ANKRD26: variants seen among roughly 807,000 people sequenced by gnomAD.
ANKRD26 encodes the protein ankyrin repeat domain 26, also known as ankyrin repeat domain-containing protein 26.
ANKRD26 carries 141 observed loss-of-function variants against 208.7 expected under a neutral mutation model. The observed-to-expected ratio is 0.68, with a 90% CI of 0.59 to 0.78. ANKRD26 has a LOEUF of 0.78. Among genes scored for constraint, ANKRD26 ranks in the 30% least tolerant of loss-of-function variants. The pLI is 0.00. For synonymous variants in ANKRD26, 636 were observed against 660.4 expected, an observed-to-expected ratio of 0.96 and a Z score of 0.57; for missense variants, 1,889 against 1,938.7, an observed-to-expected ratio of 0.97 and a Z score of 0.48.
chr10:27,035,340 G>A lies in ANKRD26; in HGVS notation c.3110C>T (p.Ala1037Val). Residue 1037 changes from alanine to valine, a missense_variant, in exon 24 of 34, where the codon GCA (alanine) becomes GTA (valine). Ala to Val is a moderately conservative substitution (Grantham distance 64, BLOSUM62 0). Transcript: ENST00000376087. ...CTGTAAACGAGAACATTCATCTCTTGCTCTCTGGAAAGCAAGTTCTAGTTC... is the reference window on the plus strand; with the variant it reads ...CTGTAAACGAGAACATTCATCTCTTACTCTCTGGAAAGCAAGTTCTAGTTC... Reference protein sequence around the residue: ...KRELELAFQRARDECSRLQDK... With the variant: ...KRELELAFQRVRDECSRLQDK... The A allele has an allele frequency of 6.2e-7, 1 of 1,613,868 alleles. No homozygotes were observed. The highest frequency in any genetic ancestry group is 8.5e-7 in the Non-Finnish European group (1 of 1,179,922).
chr10:27,079,197 A>C lies in ANKRD26; in HGVS notation c.741-36T>G, dbSNP rs3737055. 0.6 allele frequency: 935,374 copies of C among 1,554,822 alleles called. 291,295 individuals are homozygous for C. The highest frequency in any genetic ancestry group is 0.65 in the Non-Finnish European group (728,465 of 1,126,538). ...AAAATATAGAAAAATGAGTGAATTCATTTCTTTAAAAACAAAACAAAAACC... is the reference window on the plus strand; with the variant it reads ...AAAATATAGAAAAATGAGTGAATTCCTTTCTTTAAAAACAAAACAAAAACC... On this transcript the variant is annotated intron_variant, in intron 6 of 33. Coordinates refer to ENST00000376087, the MANE Select transcript of ANKRD26 (RefSeq NM_014915.3).
intron 4 of ANKRD26, among the ~76,000 whole-genome samples, chr10:26,997,581 TGA>T (rs1358345657): frequency 6.6e-6 from 1 of 152,148 alleles, no homozygotes; most frequent in East Asian, 1.9e-4. Flanking sequence ...TTTCTGAGAC[TGA>T]GAGGTTTGAG....
At chr10:27,063,347 G>A (rs893660430) in intron 12 of ANKRD26, among the ~76,000 whole-genome samples, 9 of 151,258 alleles carry the variant, frequency 6.0e-5, no homozygotes, top group Non-Finnish European at 1.2e-4. Context: ...TTGAGATGAA[G>A]TCTTGCTCTG....
rs2055739310 is a variant in ANKRD26, at chr10:27,077,436, ATGT to A, written c.976_978del (p.Thr326del). On this transcript the variant is annotated inframe_deletion, in exon 9 of 34. Transcript: ENST00000376087. Reference sequence around the variant, plus strand: ...TGAGAAAAGCACTGGACTTTGATTGATGTTGTAGGAAGGCTTTCAACCACAACT... The same window carrying A: ...TGAGAAAAGCACTGGACTTTGATTGATGTAGGAAGGCTTTCAACCACAACT... 3 of 1,613,904 alleles carry A rather than the reference ATGT, an allele frequency of 1.9e-6. No individual in the cohort carries two copies. In the South Asian group the frequency reaches 3.3e-5, roughly 18 times the overall value.
At chr10:27,029,414 T>A in intron 25 of ANKRD26, 58 bp from the exon 26 acceptor site, 1 of 1,515,614 alleles carries the variant, frequency 6.6e-7, no homozygotes, top group Non-Finnish European at 9.1e-7. Context: ...CATCTGTCCA[T>A]TACCTGTTTT....
the ANKRD26 span, among the ~76,000 whole-genome samples, chr10:26,967,163 C>T: frequency 6.6e-6 from 1 of 152,122 alleles, no homozygotes; most frequent in Non-Finnish European, 1.5e-5. Context: ...ATAACATTTG[C>T]CATCTCTAAA....
intron 9 of ANKRD26, among the ~76,000 whole-genome samples, chr10:27,075,907 AGACC>A (rs2055682754): frequency 6.6e-6 from 1 of 152,252 alleles, no homozygotes; most frequent in Non-Finnish European, 1.5e-5. Flanking sequence ...GTATCTTCTC[AGACC>A]ACAGCAGAAT....
At chr10:26,972,635 G>A (rs988273196), downstream of ANKRD26, among the ~76,000 whole-genome samples, 35 of 143,210 alleles carry the variant, frequency 2.4e-4, no homozygotes, top group African/African-American at 9.0e-4. Flanking sequence ...CTGTCGCCCA[G>A]GCTGGAGTGC....
At chr10:26,948,838 C>CA in the ANKRD26 span, among the ~76,000 whole-genome samples, 1 of 151,944 alleles carries the variant, frequency 6.6e-6, no homozygotes, top group Non-Finnish European at 1.5e-5. Flanking sequence ...AAAGACCCCC[C>CA]AAAAAAATTA....
In ANKRD26 at chr10:27,066,391, T is replaced by C. The variant is rs535884521; in HGVS notation, c.1269+96A>G. The C allele has an allele frequency of 1.2e-3, 1,052 of 861,568 alleles. 1 individual carries two copies. Among genetic ancestry groups the C allele is most frequent in the Middle Eastern group, 3.6e-3 (11 of 3,058 alleles). 53.4% of individuals were successfully genotyped at this position (861,568 alleles called of 1,614,324 possible). On this transcript the variant is annotated intron_variant, in intron 11 of 33. Transcript: ENST00000376087. ...AAGAAAGTAGTTCCTTATGGATGTA[T>C]GCAGAGGTAAAAAAGTCAAGTCAAA...
intron 4 of ANKRD26, among the ~76,000 whole-genome samples, chr10:26,981,046 T>C (rs1017125399): frequency 1.3e-5 from 2 of 152,182 alleles, no homozygotes; most frequent in Admixed American, 6.5e-5. Flanking sequence ...TTTTTGTGCA[T>C]GCATTTTCCA....
At chr10:27,096,170 G>A (rs1347124688) in intron 1 of ANKRD26, among the ~76,000 whole-genome samples, 3 of 152,160 alleles carry the variant, frequency 2.0e-5, no homozygotes, top group African/African-American at 7.2e-5. Context: ...CAGAAGTGCA[G>A]GAGATTCACA....
Position 27,048,885 on chromosome 10 carries a change from T to A in ANKRD26, c.1730A>T (p.Asp577Val). The A allele has an allele frequency of 6.2e-7, 1 of 1,613,200 alleles. No individual in the cohort carries two copies. ...GATDDAEDDD[D>V]DDGLIQKRKS... ...TCTTTTTTGAATTAATCCATCATCA[T>A]CATCATCATCTTCAGCATCATCAGT... The change falls in exon 17 of 34, where the codon GAT becomes GTT. Residue 577 changes from aspartate (D) to valine (V), a missense_variant. This residue lies in a region of ANKRD26 where 1,272 missense variants were observed against 1,273.8 expected (regional missense o/e 1.00). Transcript: ENST00000376087.
chr10:27,012,372 T>C (rs2053143286), intron 32 of ANKRD26, among the ~76,000 whole-genome samples: 1 of 151,436 alleles, frequency 6.6e-6, no homozygotes, highest in African/African-American at 2.4e-5. Flanking sequence ...TGGTACCTCT[T>C]GAAAATGAGA....
At chr10:27,058,359 G>A (rs939259027) in intron 15 of ANKRD26, among the ~76,000 whole-genome samples, 2 of 152,178 alleles carry the variant, frequency 1.3e-5, no homozygotes, top group Admixed American at 6.5e-5. Context: ...GAAGTGTACA[G>A]TAGACTTTTT....
intron 3 of ANKRD26, among the ~76,000 whole-genome samples, chr10:26,985,342 T>C (rs2052368557): frequency 2.6e-5 from 4 of 152,274 alleles, no homozygotes; most frequent in Non-Finnish European, 4.4e-5. Context: ...TTCCAATGGG[T>C]CAGATTATTA....
chr10:27,013,930 T>A (rs2053203387), intron 31 of ANKRD26, among the ~76,000 whole-genome samples: 2 of 152,210 alleles, frequency 1.3e-5, no homozygotes, highest in African/African-American at 4.8e-5. Flanking sequence ...TTATAAAATA[T>A]ACTTCCCTTC....
chr10:27,051,594 T>C, intron 16 of ANKRD26: 1 of 985,254 alleles, frequency 1.0e-6, no homozygotes, highest in Non-Finnish European at 1.2e-6. Flanking sequence ...TTTGTTAACA[T>C]TTTCATGGCC....
At chr10:27,003,189 G>C (rs1007809845), downstream of ANKRD26, among the ~76,000 whole-genome samples, 1 of 152,134 alleles carries the variant, frequency 6.6e-6, no homozygotes, top group African/African-American at 2.4e-5. Flanking sequence ...GTTGCTGTCA[G>C]AAAAGGAAGT....
Sources: allele counts gnomAD v4.1 joint callset (sites outside exome capture counted in the v4.1 genomes callset), GRCh38; gene constraint gnomAD v4.1.1; regional missense constraint gnomAD v4.1.1; transcripts MANE v1.5; gene names NCBI Gene and HGNC (gene_info 2026-07-23, HGNC 2026-07-21).